Variants in SDK1 observed in about 807,000 individuals in gnomAD.
SDK1 encodes the protein protein sidekick-1.
SDK1 carries 157 observed loss-of-function variants against 245.5 expected under a neutral mutation model. That is an observed-to-expected ratio of 0.64 (90% CI 0.56 to 0.73). The LOEUF (loss-of-function observed/expected upper bound fraction) is 0.73. Ranked by LOEUF, SDK1 falls within the 30% of genes least tolerant of loss-of-function variation. The pLI, the probability that SDK1 is intolerant of heterozygous loss-of-function variation, is 0.00. For synonymous variants in SDK1, 1,647 were observed against 1,278.5 expected, an observed-to-expected ratio of 1.29 and a Z score of -6.15; for missense variants, 3,583 against 3,002.3, an observed-to-expected ratio of 1.19 and a Z score of -4.52.
chr7:4,158,687 G>A (rs1562366756), intron 31 of SDK1, 136 bp downstream of exon 31: 5 of 631,264 alleles, frequency 7.9e-6, no homozygotes, highest in Non-Finnish European at 1.4e-5. Context: ...ATTAGTGACA[G>A]ACAGCTCGGA....
intron 5 of SDK1, among the ~76,000 whole-genome samples, chr7:3,868,715 T>C (rs527275083): frequency 2.6e-5 from 4 of 152,198 alleles, no homozygotes; most frequent in African/African-American, 7.2e-5. Context: ...ATGCACCTTT[T>C]ATTGTGTGTC....
At chr7:3,673,509 A>G (rs1413373635) in intron 4 of SDK1, among the ~76,000 whole-genome samples, 1 of 152,240 alleles carries the variant, frequency 6.6e-6, no homozygotes, top group East Asian at 1.9e-4. Context: ...TAAACATGGA[A>G]AAATAAAAGT....
chr7:3,984,115 C>G (rs1783634494), intron 13 of SDK1, among the ~76,000 whole-genome samples: 1 of 152,206 alleles, frequency 6.6e-6, no homozygotes, highest in African/African-American at 2.4e-5. Flanking sequence ...GTAGATACTT[C>G]TCATCTGTTG....
intron 4 of SDK1, among the ~76,000 whole-genome samples, chr7:3,694,816 C>A (rs1583315582): frequency 6.6e-6 from 1 of 152,148 alleles, no homozygotes; most frequent in Admixed American, 6.5e-5. Flanking sequence ...TGCACTAGAA[C>A]AGGATTCTTA....
intron 1 of SDK1, among the ~76,000 whole-genome samples, chr7:3,444,359 T>C (rs949954617): frequency 1.3e-5 from 2 of 152,188 alleles, no homozygotes; most frequent in Admixed American, 6.5e-5. Context: ...AATTTTCCTT[T>C]CCCCAAATTA....
intron 28 of SDK1, among the ~76,000 whole-genome samples, chr7:4,138,527 A>G (rs1034714617): frequency 2.3e-4 from 35 of 152,194 alleles, no homozygotes; most frequent in African/African-American, 8.2e-4. Flanking sequence ...GGGTGGATCC[A>G]CGTGAGGTCA....
At chr7:4,038,908 G>C (rs549112415) in intron 17 of SDK1, among the ~76,000 whole-genome samples, 1 of 152,166 alleles carries the variant, frequency 6.6e-6, no homozygotes, top group East Asian at 1.9e-4. Context: ...CATTAAATAC[G>C]ACATTGAGAC....
At chr7:3,321,711 CCTCCCTCTCCCCT>C (rs1381522808) in intron 1 of SDK1, among the ~76,000 whole-genome samples, 1 of 50,126 alleles carries the variant, frequency 2.0e-5, no homozygotes, top group African/African-American at 1.5e-4. Context: ...TCCTCCTCCC[CCTCCCTCTCCCCT>C]CTCCCTCCCA....
intron 5 of SDK1, among the ~76,000 whole-genome samples, chr7:3,869,449 C>G (rs1780905425): frequency 6.6e-6 from 1 of 152,070 alleles, no homozygotes; most frequent in South Asian, 2.1e-4. Flanking sequence ...AGCCACCACG[C>G]CTGGCCTGTA....
At chr7:4,219,128 GGCATCAAT>G (rs1784998263) in intron 38 of SDK1, among the ~76,000 whole-genome samples, 1 of 152,134 alleles carries the variant, frequency 6.6e-6, no homozygotes, top group Non-Finnish European at 1.5e-5. Flanking sequence ...TCTGAATCGA[GGCATCAAT>G]ACTTGCAGTG....
chr7:4,146,149 C>T (rs1779959226), intron 29 of SDK1, among the ~76,000 whole-genome samples: 1 of 142,072 alleles, frequency 7.0e-6, no homozygotes, highest in Non-Finnish European at 1.6e-5. Flanking sequence ...GACACGTGAG[C>T]ACTGCGTTCA....
intron 4 of SDK1, among the ~76,000 whole-genome samples, chr7:3,778,179 C>T (rs1217753017): frequency 6.6e-6 from 1 of 152,154 alleles, no homozygotes; most frequent in African/African-American, 2.4e-5. Context: ...GTCTTCCCAC[C>T]TTTAAGCAAA....
intron 14 of SDK1, among the ~76,000 whole-genome samples, chr7:3,987,859 C>T (rs1783990367): frequency 6.6e-6 from 1 of 152,096 alleles, no homozygotes; most frequent in Non-Finnish European, 1.5e-5. Context: ...AGCCGCCAAG[C>T]CCTCCTTCCC....
chr7:3,479,998 T>C lies in SDK1; in HGVS notation c.299-139082T>C, dbSNP rs181840404. On this transcript the variant is annotated intron_variant, in intron 1 of 44. Coordinates refer to ENST00000404826, the MANE Select transcript of SDK1 (RefSeq NM_152744.4). ...AGGCAGAATAATGCCCCCTCACCTG[T>C]CCACGCCCAAAGTAAAGATGTCTAC... 3.9e-5 allele frequency among the ~76,000 whole-genome samples: 6 copies of C among 152,304 alleles called. No individual in the cohort carries two copies. The East Asian group carries it at 1.2e-3, about 29-fold the overall frequency.
At chr7:3,973,787 C>G (rs190539899) in intron 12 of SDK1, among the ~76,000 whole-genome samples, 17 of 152,212 alleles carry the variant, frequency 1.1e-4, no homozygotes, top group Non-Finnish European at 1.3e-4. Context: ...ATTTTCATTG[C>G]CCTGTTTGTA....
chr7:3,979,601 C>T (rs999188043), intron 13 of SDK1, among the ~76,000 whole-genome samples: 13 of 152,170 alleles, frequency 8.5e-5, no homozygotes, highest in Non-Finnish European at 1.6e-4. Flanking sequence ...GCTCTGCCTT[C>T]ATCCCCCCAC....
chr7:3,613,176 A>G lies in SDK1; in HGVS notation c.299-5904A>G, dbSNP rs554353803. On this transcript the variant is annotated intron_variant, in intron 1 of 44. Coordinates refer to ENST00000404826, the MANE Select transcript of SDK1 (RefSeq NM_152744.4). Reference sequence around the variant, plus strand: ...TTTTAGCTGTTGTGGAACAGCAATGAAAATCCATCGCAAGACCCCCTTTCT... The same window carrying G: ...TTTTAGCTGTTGTGGAACAGCAATGGAAATCCATCGCAAGACCCCCTTTCT... Among the ~76,000 whole-genome samples the G allele has an allele frequency of 6.6e-5, 10 of 152,272 alleles. No homozygotes were observed. The East Asian group carries it at 1.9e-3, about 29-fold the overall frequency.
At chr7:3,842,458 G>A (rs952897963) in intron 5 of SDK1, among the ~76,000 whole-genome samples, 1 of 152,110 alleles carries the variant, frequency 6.6e-6, no homozygotes, top group South Asian at 2.1e-4. Context: ...TGGGTACTGG[G>A]TCACTGTACT....
At chr7:3,578,554 G>T (rs1055537931) in intron 1 of SDK1, among the ~76,000 whole-genome samples, 1 of 151,922 alleles carries the variant, frequency 6.6e-6, no homozygotes, top group African/African-American at 2.4e-5. Context: ...CAGGAGACCA[G>T]GGTGTATTTC....
Sources: allele counts gnomAD v4.1 joint callset (sites outside exome capture counted in the v4.1 genomes callset), GRCh38; gene constraint gnomAD v4.1.1; transcripts MANE v1.5; gene names NCBI Gene and HGNC (gene_info 2026-07-23, HGNC 2026-07-21).